The following PLA2G15 variants were observed in gnomAD, a reference collection of about 807,000 sequenced individuals.
PLA2G15 encodes the protein lysosomal phospholipase A and acyltransferase.
In PLA2G15, 20 loss-of-function variants were observed where a neutral mutation model predicts 40.9. That is an observed-to-expected ratio of 0.49 (90% confidence interval 0.34 to 0.71). PLA2G15 has a LOEUF of 0.71. PLA2G15 is among the 30% of genes least tolerant of loss of function. The probability of loss-of-function intolerance (pLI) is 0.01; values close to 1 mark genes in which losing one functional copy is unlikely to be tolerated. For synonymous variants in PLA2G15, 223 were observed against 228.2 expected (o/e 0.98, Z 0.21); for missense variants, 471 against 541.9 (o/e 0.87, Z 1.30).
Position 68,259,375 on chromosome 16 carries a change from A to G in PLA2G15, c.957A>G (p.Glu319=). ...LMRQDTEGLV[E]ATMPPGVQLH... ...GGCAGGACACAGAAGGGCTGGTGGA[A>G]GCCACGATGCCACCTGGCGTGCAGC... Residue 319 remains glutamate, a synonymous_variant, in exon 6 of 6, where the codon GAA becomes GAG. Transcript: ENST00000219345. The surrounding 1 kb of genome is among the most constrained non-coding windows in gnomAD (Gnocchi z 6.5). 1 of 1,614,042 alleles carries G rather than the reference A, an allele frequency of 6.2e-7. No homozygotes were observed. Among genetic ancestry groups the G allele is most frequent in the Non-Finnish European group, 8.5e-7 (1 of 1,180,050 alleles).
At chr16:68,256,662 C>T (rs936238038) in intron 5 of PLA2G15, among the ~76,000 whole-genome samples, 2 of 151,966 alleles carry the variant, frequency 1.3e-5, no homozygotes, top group Admixed American at 6.6e-5. Flanking sequence ...AGGTGCCCGC[C>T]ACCATGCCTG....
At chr16:68,249,963 A>T (rs1337407851) in intron 2 of PLA2G15, among the ~76,000 whole-genome samples, 3 of 152,090 alleles carry the variant, frequency 2.0e-5, no homozygotes, top group African/African-American at 7.2e-5. Flanking sequence ...TACAGGCATG[A>T]GCCACTACGC....
chr16:68,245,789 C>T (rs2042304225), intron 1 of PLA2G15, among the ~76,000 whole-genome samples: 1 of 152,184 alleles, frequency 6.6e-6, no homozygotes, highest in Non-Finnish European at 1.5e-5. Flanking sequence ...GAGTTACCAT[C>T]TGGTTATTCA....
At position 68,255,413 on chromosome 16, in the gene PLA2G15, C is replaced by G; in HGVS notation, c.502+33C>G. On this transcript the variant is annotated intron_variant, in intron 4 of 5. Coordinates refer to ENST00000219345, the MANE Select transcript of PLA2G15 (RefSeq NM_012320.4). The surrounding 1 kb of genome is among the most constrained non-coding windows in gnomAD (Gnocchi z 5.9). ...GGCACTCTCATTCCCTCCCTGACGT[C>G]TCGGGAGGTAGGGGTGAGGTGATCA... The G allele has an allele frequency of 6.9e-7, 1 of 1,450,074 alleles. No homozygotes were observed. Among genetic ancestry groups the G allele is most frequent in the Middle Eastern group, 1.8e-4 (1 of 5,478 alleles). 89.8% of individuals were successfully genotyped at this position (1,450,074 alleles called of 1,614,324 possible).
chr16:68,257,067 G>A (rs540689797), intron 5 of PLA2G15, among the ~76,000 whole-genome samples: 32 of 151,868 alleles, frequency 2.1e-4, no homozygotes, highest in African/African-American at 7.7e-4. Context: ...TTTTAGTAGA[G>A]ACTGGGTTTC....
chr16:68,258,193 C>T (rs991277803), intron 5 of PLA2G15, among the ~76,000 whole-genome samples: 1 of 152,222 alleles, frequency 6.6e-6, no homozygotes, highest in Non-Finnish European at 1.5e-5. Context: ...CCATCTGCAG[C>T]CTCCCCTCGT....
rs1450843992 is a variant in PLA2G15 at position 68,260,809 on chromosome 16, C to CT, written c.*1154dup. The CT allele has an allele frequency of 2.6e-5, 4 of 152,272 alleles. No individual in the cohort carries two copies. The highest frequency in any genetic ancestry group is 6.5e-5 in the Admixed American group (1 of 15,286). The allele number at this position is 152,272 out of a possible 1,614,324, so 9.4% of individuals were successfully genotyped here. On this transcript the variant is annotated 3_prime_UTR_variant, in exon 6 of 6. Coordinates refer to ENST00000219345, the MANE Select transcript of PLA2G15 (RefSeq NM_012320.4). The stretch of plus-strand genomic sequence containing the variant: ...AGCAGGCATGGAGAGTCAGGGCTGC[C>CT]TTCATGGCAGTAGGCTCTAAGTGGG...
At chr16:68,256,740 C>T (rs777191563) in intron 5 of PLA2G15, among the ~76,000 whole-genome samples, 11 of 152,056 alleles carry the variant, frequency 7.2e-5, no homozygotes, top group Non-Finnish European at 1.5e-4. Flanking sequence ...GAACTCCTGA[C>T]CTCAGATGTT....
rs1353077013 is a variant in PLA2G15 at position 68,254,902 on chromosome 16, A to G, written c.285-17A>G. 5.2e-6 allele frequency: 8 copies of G among 1,537,590 alleles called. No homozygotes were observed. The highest frequency in any genetic ancestry group is 3.3e-5 in the Admixed American group (2 of 59,732). On this transcript the variant is annotated splice_polypyrimidine_tract_variant and intron_variant, in intron 2 of 5. Coordinates refer to ENST00000219345, the MANE Select transcript of PLA2G15 (RefSeq NM_012320.4). ...GTGTCCCCTCCGGGTCACTGGCTCA[A>G]TATCCTCTCACAACAGGCTGGTTTA... is the stretch of plus-strand genomic sequence containing the variant.
rs546672487 is a variant in PLA2G15, at chr16:68,259,059, G to A, written c.728-87G>A. 18 of 1,132,412 alleles carry A rather than the reference G, an allele frequency of 1.6e-5. No individual in the cohort carries two copies. Among genetic ancestry groups the A allele is most frequent in the Middle Eastern group, 2.4e-4 (1 of 4,252 alleles). 70.1% of individuals were successfully genotyped at this position (1,132,412 alleles called of 1,614,324 possible). A position where few individuals can be genotyped will look rare whatever the true frequency, so the allele number is the denominator to read the frequency against. On this transcript the variant is annotated intron_variant, in intron 5 of 5. Coordinates refer to ENST00000219345, the MANE Select transcript of PLA2G15 (RefSeq NM_012320.4). This position sits in a 1 kb window ranked among gnomAD's most constrained non-coding sequence, Gnocchi z 6.5. ...GGGACTGTGGACTGGGCCCCTGGCTGGGGTCTGGCAGGGGCCTGGTGGTGA... is the reference window on the plus strand; with the variant it reads ...GGGACTGTGGACTGGGCCCCTGGCTAGGGTCTGGCAGGGGCCTGGTGGTGA...
At chr16:68,250,657 C>T (rs1183475436) in intron 2 of PLA2G15, among the ~76,000 whole-genome samples, 1 of 152,138 alleles carries the variant, frequency 6.6e-6, no homozygotes, top group Non-Finnish European at 1.5e-5. Context: ...GCAGTCAGAT[C>T]ACCTGAGCTC....
In PLA2G15 at chr16:68,245,410, G is replaced by A. The variant is rs2042299293; in HGVS notation, c.-17G>A. 1 of 1,601,334 alleles carries A rather than the reference G, an allele frequency of 6.2e-7. No individual in the cohort carries two copies. The highest frequency in any genetic ancestry group is 1.7e-4 in the Middle Eastern group (1 of 6,050). On this transcript the variant is annotated 5_prime_UTR_variant, in exon 1 of 6. Coordinates refer to ENST00000219345, the MANE Select transcript of PLA2G15 (RefSeq NM_012320.4). ...AGCTGAACCTGCATCCCGGACCTGCGGCGACCGTCGTACACCATGGGCCTC... is the reference window on the plus strand; with the variant it reads ...AGCTGAACCTGCATCCCGGACCTGCAGCGACCGTCGTACACCATGGGCCTC...
chr16:68,252,477 C>G, intron 2 of PLA2G15: 1 of 451,742 alleles, frequency 2.2e-6, no homozygotes, highest in Non-Finnish European at 4.5e-6. Flanking sequence ...CTCCCCTGGC[C>G]CATCACCCTG....
intron 5 of PLA2G15, chr16:68,256,236 A>C: frequency 4.3e-6 from 2 of 465,310 alleles, no homozygotes; most frequent in Non-Finnish European, 3.8e-6. Context: ...GCAAGACAAG[A>C]TGGTGGATCC....
At chr16:68,258,510 A>AG (rs764332424) in intron 5 of PLA2G15, among the ~76,000 whole-genome samples, 2 of 152,236 alleles carry the variant, frequency 1.3e-5, no homozygotes, top group East Asian at 1.9e-4. Flanking sequence ...AGCAAAAAAA[A>AG]CAAAACATAG....
intron 2 of PLA2G15, chr16:68,254,687 C>T: frequency 2.4e-6 from 1 of 420,812 alleles, no homozygotes. Context: ...ATTGGCCAGG[C>T]TGGTTTCAAA....
At chr16:68,247,135 G>C (rs1425186611) in intron 1 of PLA2G15, among the ~76,000 whole-genome samples, 2 of 152,240 alleles carry the variant, frequency 1.3e-5, no homozygotes, top group African/African-American at 4.8e-5. Context: ...AGGGAGTGAG[G>C]CTGCTGGCCT....
chr16:68,253,227 A>G (rs1312214162), intron 2 of PLA2G15, among the ~76,000 whole-genome samples: 6 of 152,094 alleles, frequency 3.9e-5, no homozygotes, highest in Admixed American at 3.3e-4. Flanking sequence ...GCGGGACCCA[A>G]TTATACCTAC....
intron 1 of PLA2G15, among the ~76,000 whole-genome samples, 172 bp downstream of exon 1, chr16:68,245,725 G>A (rs911247756): frequency 7.2e-5 from 11 of 152,230 alleles, no homozygotes; most frequent in Admixed American, 6.5e-4. Flanking sequence ...TGCTGGGCGC[G>A]GGTGTGGTCA....
Sources: allele counts gnomAD v4.1 joint callset (sites outside exome capture counted in the v4.1 genomes callset), GRCh38; gene constraint gnomAD v4.1.1; non-coding constraint Gnocchi (gnomAD v3.1); transcripts MANE v1.5; gene names NCBI Gene and HGNC (gene_info 2026-07-23, HGNC 2026-07-21).